METTL16: variants seen among roughly 807,000 people sequenced by gnomAD.
The protein encoded by METTL16 is methyltransferase 16, RNA N6-adenosine.
In METTL16, 19 loss-of-function variants were observed where a neutral mutation model predicts 57.9. The ratio of observed to expected loss-of-function variants is 0.33; its 90% CI spans 0.23 to 0.48. The LOEUF is 0.48. Ranked by LOEUF, METTL16 falls within the 20% of genes least tolerant of loss-of-function variation. The pLI is 0.99. For synonymous variants in METTL16, 246 were observed against 255.6 expected (o/e 0.96, Z 0.36); for missense variants, 434 against 691.5 (o/e 0.63, Z 4.18).
intron 6 of METTL16, among the ~76,000 whole-genome samples, chr17:2,462,993 A>T (rs2067161312): frequency 1.3e-5 from 2 of 152,338 alleles, no homozygotes; most frequent in South Asian, 4.1e-4. Context: ...GTGAGAAGTC[A>T]AGCGAGACAA....
At chr17:2,486,658 T>C (rs2067343657) in intron 2 of METTL16, among the ~76,000 whole-genome samples, 1 of 152,016 alleles carries the variant, frequency 6.6e-6, no homozygotes, top group Non-Finnish European at 1.5e-5. Flanking sequence ...ATTAGGAAGC[T>C]ACTGCTATAC....
At chr17:2,433,774 G>C (rs2066891282) in intron 8 of METTL16, among the ~76,000 whole-genome samples, 1 of 152,178 alleles carries the variant, frequency 6.6e-6, no homozygotes, top group South Asian at 2.1e-4. Context: ...GCTCTTTAAC[G>C]CAAGTCCTAC....
rs537327331 is a variant in METTL16 at position 2,511,821 on chromosome 17, T to C, written c.-63A>G. Reference sequence around the variant, plus strand: ...CGTGGGCCTGTACAACCCTAGAATCTTAAAGCAGCCGCATAGCGAAGCTCC... The same window carrying C: ...CGTGGGCCTGTACAACCCTAGAATCCTAAAGCAGCCGCATAGCGAAGCTCC... On this transcript the variant is annotated 5_prime_UTR_variant, in exon 1 of 10. The change abolishes the stop of an existing upstream ORF in the 5' untranslated region. Coordinates refer to ENST00000263092, the MANE Select transcript of METTL16 (RefSeq NM_024086.4). 1.0e-5 allele frequency: 4 copies of C among 398,612 alleles called. No individual in the cohort carries two copies. The highest frequency in any genetic ancestry group is 8.2e-5 in the African/African-American group (4 of 48,736). The allele number at this position is 398,612 out of a possible 1,614,324, so 24.7% of individuals were successfully genotyped here.
chr17:2,489,930 T>C (rs1003626363), intron 2 of METTL16, among the ~76,000 whole-genome samples: 6 of 151,962 alleles, frequency 3.9e-5, no homozygotes, highest in Non-Finnish European at 7.4e-5. Flanking sequence ...AGCTATAATA[T>C]AACCATGCAA....
chr17:2,440,548 G>A (rs72805750), intron 7 of METTL16, among the ~76,000 whole-genome samples: 3 of 150,598 alleles, frequency 2.0e-5, no homozygotes, highest in Admixed American at 6.6e-5. Flanking sequence ...CGCCCAGCCC[G>A]ACCCCATTTC....
At chr17:2,468,241 T>C (rs1452392207) in intron 4 of METTL16, among the ~76,000 whole-genome samples, 1 of 152,230 alleles carries the variant, frequency 6.6e-6, no homozygotes, top group East Asian at 1.9e-4. Flanking sequence ...TGCTGTTAAG[T>C]AAGGTGTGAC....
intron 6 of METTL16, among the ~76,000 whole-genome samples, chr17:2,446,870 C>G (rs1016032560): frequency 2.6e-5 from 4 of 152,106 alleles, no homozygotes; most frequent in Non-Finnish European, 4.4e-5. Context: ...GATGGAGTCT[C>G]GTTCACTCAG....
chr17:2,450,887 G>T (rs1246572232), intron 6 of METTL16, among the ~76,000 whole-genome samples: 1 of 151,990 alleles, frequency 6.6e-6, no homozygotes, highest in Non-Finnish European at 1.5e-5. Context: ...TAAATTTCAA[G>T]AAATTTCAAG....
intron 8 of METTL16, 142 bp downstream of exon 8, chr17:2,437,967 G>A: frequency 1.5e-6 from 1 of 645,846 alleles, no homozygotes; most frequent in South Asian, 1.7e-5. Flanking sequence ...ACTGTGTCTT[G>A]GTTACAACCC....
In METTL16 at chr17:2,429,141, A is replaced by T. The variant is rs375284073; in HGVS notation, c.889-8237T>A. 1.3e-3 allele frequency among the ~76,000 whole-genome samples: 203 copies of T among 150,718 alleles called. 8 individuals carry two copies. In the South Asian group the frequency reaches 0.042, roughly 31 times the overall value. On this transcript the variant is annotated intron_variant, in intron 8 of 9. Coordinates refer to ENST00000263092, the MANE Select transcript of METTL16 (RefSeq NM_024086.4). The stretch of plus-strand genomic sequence containing the variant: ...CCAAAGCGCTGGGATTACAGGCATG[A>T]GCCACCGTGCCCAGCCAACTCATTA...
At chr17:2,480,018 C>T (rs2067293849) in intron 2 of METTL16, among the ~76,000 whole-genome samples, 1 of 151,784 alleles carries the variant, frequency 6.6e-6, no homozygotes, top group African/African-American at 2.4e-5. Context: ...GAAACCCCAA[C>T]TCTACTAAAA....
intron 8 of METTL16, among the ~76,000 whole-genome samples, chr17:2,428,168 T>A (rs977970500): frequency 2.0e-5 from 3 of 152,002 alleles, no homozygotes; most frequent in African/African-American, 7.3e-5. Context: ...ATGACTAACC[T>A]GGTACCATCC....
At chr17:2,475,927 CT>C (rs980130060) in intron 3 of METTL16, among the ~76,000 whole-genome samples, 8 of 152,166 alleles carry the variant, frequency 5.3e-5, no homozygotes, top group African/African-American at 1.9e-4. Flanking sequence ...ACCAACTAGG[CT>C]GTCAAGCTTT....
chr17:2,438,107 A>G lies in METTL16; in HGVS notation c.888+2T>C. 6.2e-7 allele frequency: 1 copy of G among 1,609,150 alleles called. No individual in the cohort carries two copies. The highest frequency in any genetic ancestry group is 8.5e-7 in the Non-Finnish European group (1 of 1,175,630). ...GTGAAGCGGAGCAAGGTCTGTACTT[A>G]CTGGTACTGTGACATCATCATAAAA... On this transcript the variant is annotated splice_donor_variant, in intron 8 of 9. Coordinates refer to ENST00000263092, the MANE Select transcript of METTL16 (RefSeq NM_024086.4). LOFTEE classifies it high-confidence loss of function.
In METTL16 at chr17:2,418,975, C is replaced by T. The variant is rs1219689040; in HGVS notation, c.*995G>A. 1.3e-5 allele frequency: 2 copies of T among 152,298 alleles called. No homozygotes were observed. Among genetic ancestry groups the T allele is most frequent in the African/African-American group, 2.4e-5 (1 of 41,452 alleles). The allele number at this position is 152,298 out of a possible 1,614,324, so 9.4% of individuals were successfully genotyped here. A position where few individuals can be genotyped will look rare whatever the true frequency, so the allele number is the denominator to read the frequency against. Reference sequence around the variant, plus strand: ...GGACACAGTTACTCCGGCCTCAGAACTCTCCAATGTGAGTAGGTAAGTACA... The same window carrying T: ...GGACACAGTTACTCCGGCCTCAGAATTCTCCAATGTGAGTAGGTAAGTACA... On this transcript the variant is annotated 3_prime_UTR_variant, in exon 10 of 10. Coordinates refer to ENST00000263092, the MANE Select transcript of METTL16 (RefSeq NM_024086.4).
Position 2,418,282 on chromosome 17 carries a change from C to A in METTL16, c.*1688G>T, listed in dbSNP as rs924452586. ...GGTACATGGACTCTCTGGAGGTCCA[C>A]GGACCAGGTTAAGAACACTGGTCAG... On this transcript the variant is annotated 3_prime_UTR_variant, in exon 10 of 10. Transcript: ENST00000263092. 1.6e-4 allele frequency: 25 copies of A among 152,102 alleles called. No homozygotes were observed. Among genetic ancestry groups the A allele is most frequent in the African/African-American group, 5.8e-4 (24 of 41,406 alleles). 9.4% of individuals were successfully genotyped at this position (152,102 alleles called of 1,614,324 possible). A position where few individuals can be genotyped will look rare whatever the true frequency, so the allele number is the denominator to read the frequency against.
intron 1 of METTL16, among the ~76,000 whole-genome samples, chr17:2,509,316 C>A (rs900760053): frequency 1.3e-5 from 2 of 152,196 alleles, no homozygotes; most frequent in African/African-American, 4.8e-5. Flanking sequence ...TTGCCCCTCA[C>A]ACTATGACTA....
At chr17:2,453,583 T>G (rs562378682) in intron 6 of METTL16, among the ~76,000 whole-genome samples, 7 of 152,220 alleles carry the variant, frequency 4.6e-5, no homozygotes, top group Admixed American at 4.6e-4. Flanking sequence ...CAAAGCAAAC[T>G]CTTTACTTTG....
rs148230596 is a variant in METTL16 at position 2,419,111 on chromosome 17, C to A, written c.*859G>T. ...TACTATTTTGTTCTATTTCTCATTT[C>A]TATCATCAGCCGCTCACTCAGCTAA... On this transcript the variant is annotated 3_prime_UTR_variant, in exon 10 of 10. Coordinates refer to ENST00000263092, the MANE Select transcript of METTL16 (RefSeq NM_024086.4). The A allele has an allele frequency of 4.5e-3, 705 of 156,166 alleles. 13 individuals carry two copies. The highest frequency in any genetic ancestry group is 0.016 in the African/African-American group (649 of 41,586). The allele number at this position is 156,166 out of a possible 1,614,324, so 9.7% of individuals were successfully genotyped here. A position where few individuals can be genotyped will look rare whatever the true frequency, so the allele number is the denominator to read the frequency against.
Sources: gnomAD v4.1 joint callset for allele counts (sites outside exome capture counted in the v4.1 genomes callset) on GRCh38, gnomAD v4.1.1 for gene constraint, MANE v1.5 for transcripts, NCBI Gene and HGNC (gene_info 2026-07-23, HGNC 2026-07-21) for gene names.